CIT: variants seen among roughly 807,000 people sequenced by gnomAD.
CIT encodes citron rho-interacting serine/threonine kinase.
CIT carries 79 observed loss-of-function variants against 272.7 expected under a neutral mutation model. That is an observed-to-expected ratio of 0.29 (90% CI 0.24 to 0.35). The LOEUF (loss-of-function observed/expected upper bound fraction) is 0.35, where lower values mean the gene tolerates loss of function less well. Ranked by LOEUF, CIT falls within the 10% of genes least tolerant of loss-of-function variation. The pLI is 1.00. For synonymous variants in CIT, 948 were observed against 995.6 expected (o/e 0.95, Z 0.90); for missense variants, 1,909 against 2,618.3 (o/e 0.73, Z 5.91).
chr12:119,829,402 A>AAGAGAAGAGAAGAGAAGAGAAGAGC (rs1195057367), intron 7 of CIT, among the ~76,000 whole-genome samples: 23 of 150,290 alleles, frequency 1.5e-4, no homozygotes, highest in African/African-American at 4.9e-4. Flanking sequence ...AAGAGAAGAG[A>AAGAGAAGAGAAGAGAAGAGAAGAGC]AGAGCTTACA....
intron 12 of CIT, chr12:119,782,843 C>T: frequency 2.0e-6 from 1 of 494,984 alleles, no homozygotes; most frequent in Non-Finnish European, 3.5e-6. Context: ...AACCTGGTGA[C>T]CTTAGGGATC....
Position 119,825,179 on chromosome 12 carries a change from T to C in CIT, c.943A>G (p.Ile315Val). ...GGACTCTTTACCTGGAAATTCATAA[T>C]GTTATTGAAGGTTCTGGCAGAGGTT... is the stretch of plus-strand genomic sequence containing the variant. The part of the protein sequence containing the change: ...EGTSARTFNN[I>V]MNFQRFLKFP... The change falls in exon 8 of 48, where the codon ATT (isoleucine) becomes GTT (valine). Residue 315 changes from isoleucine (I) to valine (V), a missense_variant. Ile to Val is a conservative substitution (Grantham distance 29). This residue lies in a region of CIT where 529 missense variants were observed against 549.6 expected (regional missense o/e 0.96). Transcript: ENST00000392521. 1.2e-6 allele frequency: 2 copies of C among 1,613,066 alleles called. No individual in the cohort carries two copies. Among genetic ancestry groups the C allele is most frequent in the Non-Finnish European group, 1.7e-6 (2 of 1,179,592 alleles).
chr12:119,761,547 C>T (rs1961795438), intron 19 of CIT, among the ~76,000 whole-genome samples: 1 of 152,122 alleles, frequency 6.6e-6, no homozygotes, highest in South Asian at 2.1e-4. Context: ...GGGAGAGAAG[C>T]CGAAGACAGG....
At chr12:119,865,429 C>T (rs184374440) in intron 3 of CIT, among the ~76,000 whole-genome samples, 1 of 152,288 alleles carries the variant, frequency 6.6e-6, no homozygotes, top group East Asian at 1.9e-4. Context: ...ACCTCAAGTA[C>T]ATTTTGAAGA....
rs1441954140 is a variant in CIT at position 119,713,975 on chromosome 12, C to A, written c.4306+222G>T. On this transcript the variant is annotated intron_variant, in intron 33 of 47. Transcript: ENST00000392521. The surrounding 1 kb of genome is among the most constrained non-coding windows in gnomAD (Gnocchi z 5.2). ...CTGACAAAAAGGGGCTGGAAATTAGCAAAGCCTAAGGCACTCTGAGCAGCA... is the reference window on the plus strand; with the variant it reads ...CTGACAAAAAGGGGCTGGAAATTAGAAAAGCCTAAGGCACTCTGAGCAGCA... Among the ~76,000 whole-genome samples the A allele has an allele frequency of 6.6e-6, 1 of 152,202 alleles. No individual in the cohort carries two copies. Among genetic ancestry groups the A allele is most frequent in the Non-Finnish European group, 1.5e-5 (1 of 68,034 alleles).
At chr12:119,753,663 G>A (rs1207777973) in intron 22 of CIT, among the ~76,000 whole-genome samples, 1 of 151,790 alleles carries the variant, frequency 6.6e-6, no homozygotes, top group Non-Finnish European at 1.5e-5. Context: ...CTTGAACCTG[G>A]CAGGCAGAGG....
At chr12:119,725,140 T>C (rs994667341) in intron 28 of CIT, among the ~76,000 whole-genome samples, 8 of 152,034 alleles carry the variant, frequency 5.3e-5, no homozygotes, top group Non-Finnish European at 4.4e-5. Flanking sequence ...AGTCTCCTTA[T>C]AGGCCAGGCA....
Position 119,728,914 on chromosome 12 carries a change from G to A in CIT, c.3487-308C>T, listed in dbSNP as rs949186566. ...GCTGAATTTAATTAAATAATCATAC[G>A]CTGAATGCTTACTACCTGCATTATA... On this transcript the variant is annotated intron_variant, in intron 27 of 47. Coordinates refer to ENST00000392521, the MANE Select transcript of CIT (RefSeq NM_001206999.2). This position sits in a 1 kb window ranked among gnomAD's most constrained non-coding sequence, Gnocchi z 4.3. 1.3e-5 allele frequency among the ~76,000 whole-genome samples: 2 copies of A among 152,112 alleles called. No individual in the cohort carries two copies. Among genetic ancestry groups the A allele is most frequent in the East Asian group, 1.9e-4 (1 of 5,200 alleles).
intron 10 of CIT, among the ~76,000 whole-genome samples, chr12:119,788,889 CT>C (rs1965044386): frequency 6.6e-6 from 1 of 152,108 alleles, no homozygotes; most frequent in Admixed American, 6.6e-5. Context: ...CTAAAGAAAT[CT>C]TTTTCTTTAA....
chr12:119,799,916 T>C (rs1363583856), intron 10 of CIT, among the ~76,000 whole-genome samples: 1 of 151,494 alleles, frequency 6.6e-6, no homozygotes, highest in Non-Finnish European at 1.5e-5. Context: ...CTTCTTCCCA[T>C]GTGGCCCAAG....
chr12:119,874,885 CAA>C (rs199568006), intron 2 of CIT, among the ~76,000 whole-genome samples: 43 of 74,294 alleles, frequency 5.8e-4, no homozygotes, highest in Admixed American at 6.5e-4. Flanking sequence ...GACTCTGTCT[CAA>C]AAAAAAAAAA....
At chr12:119,749,062 AG>A (rs1795324568) in intron 23 of CIT, among the ~76,000 whole-genome samples, 1 of 152,214 alleles carries the variant, frequency 6.6e-6, no homozygotes, top group African/African-American at 2.4e-5. Flanking sequence ...GTGAAAGTGG[AG>A]AAGAGGCAAG....
intron 3 of CIT, among the ~76,000 whole-genome samples, chr12:119,867,793 C>CA (rs1239089038): frequency 3.9e-5 from 6 of 152,126 alleles, no homozygotes; most frequent in Non-Finnish European, 8.8e-5. Context: ...GGGACACTAA[C>CA]AGCCAACTGC....
intron 9 of CIT, among the ~76,000 whole-genome samples, chr12:119,818,483 T>C (rs1001354510): frequency 1.3e-5 from 2 of 152,170 alleles, no homozygotes; most frequent in Admixed American, 6.5e-5. Context: ...TTGTCACTAT[T>C]GAGGGCCAGC....
At chr12:119,840,872 A>G (rs1303658528) in intron 5 of CIT, among the ~76,000 whole-genome samples, 1 of 152,214 alleles carries the variant, frequency 6.6e-6, no homozygotes, top group African/African-American at 2.4e-5. Context: ...TAAACAATGA[A>G]GTTGTGTTCA....
At chr12:119,790,611 C>T (rs1026562096) in intron 10 of CIT, among the ~76,000 whole-genome samples, 1 of 151,914 alleles carries the variant, frequency 6.6e-6, no homozygotes. Context: ...GAGAGAGAGA[C>T]AGAGAAGAGA....
chr12:119,837,416 T>C (rs964626690), intron 5 of CIT, among the ~76,000 whole-genome samples: 10 of 152,156 alleles, frequency 6.6e-5, no homozygotes, highest in African/African-American at 2.4e-4. Flanking sequence ...TAAAATACGT[T>C]TGGATTGTTA....
intron 3 of CIT, among the ~76,000 whole-genome samples, chr12:119,858,580 G>A (rs975766414): frequency 1.3e-5 from 2 of 151,922 alleles, no homozygotes; most frequent in Non-Finnish European, 2.9e-5. Context: ...CAGCACTTTG[G>A]GAGGCCGAAG....
intron 1 of CIT, 34 bp downstream of exon 1, chr12:119,877,215 T>C (rs1480141223): frequency 6.6e-6 from 1 of 152,038 alleles, no homozygotes; most frequent in African/African-American, 2.4e-5. Context: ...CAGAGCCGGG[T>C]GCGGTAGAAT....
Sources: allele counts gnomAD v4.1 joint callset (sites outside exome capture counted in the v4.1 genomes callset), GRCh38; gene constraint gnomAD v4.1.1; regional missense constraint gnomAD v4.1.1; non-coding constraint Gnocchi (gnomAD v3.1); transcripts MANE v1.5; gene names NCBI Gene and HGNC (gene_info 2026-07-23, HGNC 2026-07-21).